NMRAL1: variants seen among roughly 807,000 people sequenced by gnomAD.
NMRAL1 encodes the protein NmrA like redox sensor 1.
NMRAL1 carries 32 observed loss-of-function variants against 27.5 expected under a neutral mutation model. The ratio of observed to expected loss-of-function variants is 1.16; its 90% CI spans 0.88 to 1.56. The LOEUF (loss-of-function observed/expected upper bound fraction) is 1.56. NMRAL1 is among the 40% of genes most tolerant of loss of function. The pLI is 0.00. For synonymous variants in NMRAL1, 166 were observed against 166.8 expected (o/e 1.00, Z 0.04); for missense variants, 420 against 392.0 (o/e 1.07, Z -0.60).
chr16:4,466,657 G>A (rs1390480349), intron 3 of NMRAL1: 8 of 517,748 alleles, frequency 1.5e-5, no homozygotes, highest in African/African-American at 5.8e-5. Flanking sequence ...GGGGCAGGTC[G>A]GCTGCAGGGG....
At chr16:4,475,764 C>A (rs1222340089), upstream of NMRAL1, among the ~76,000 whole-genome samples, 1 of 151,652 alleles carries the variant, frequency 6.6e-6, no homozygotes, top group Middle Eastern at 3.2e-3. Context: ...ATGGTGAAAC[C>A]CCCGTCTCTA....
intron 3 of NMRAL1, among the ~76,000 whole-genome samples, chr16:4,467,810 G>A (rs565308804): frequency 1.1e-3 from 173 of 151,744 alleles, no homozygotes; most frequent in Middle Eastern, 3.4e-3. Context: ...AGTAGAGACA[G>A]GGTTTCACTG....
chr16:4,464,557 G>A (rs114540240), intron 4 of NMRAL1, among the ~76,000 whole-genome samples: 154 of 151,980 alleles, frequency 1.0e-3, no homozygotes, highest in African/African-American at 3.6e-3. Flanking sequence ...GATCACCTGG[G>A]AGCTCGAGGG....
In NMRAL1 at chr16:4,463,729, G is replaced by T. The variant is rs763168428; in HGVS notation, c.651C>A (p.Cys217Ter). The T allele has an allele frequency of 8.7e-6, 14 of 1,614,054 alleles. No individual in the cohort carries two copies. The highest frequency in any genetic ancestry group is 1.1e-5 in the Non-Finnish European group (13 of 1,180,016). Reference protein sequence around the residue: ...YVGQNIGLSTCRHTAEEYAAL... With the variant: ...YVGQNIGLST ...CAGCGTACTCCTCGGCCGTGTGCCTGCAAGTGCTCAGCCCGATGTTCTGGC... is the reference window on the plus strand; with the variant it reads ...CAGCGTACTCCTCGGCCGTGTGCCTTCAAGTGCTCAGCCCGATGTTCTGGC... Residue 217 changes from cysteine (C) to a stop codon, truncating the protein, a stop_gained, in exon 5 of 6, where the codon TGC (cysteine) becomes TGA (stop). Coordinates refer to ENST00000283429, the MANE Select transcript of NMRAL1 (RefSeq NM_020677.6). LOFTEE classifies it high-confidence loss of function.
chr16:4,474,957 T>C (rs1227806115), upstream of NMRAL1: 2 of 152,192 alleles, frequency 1.3e-5, no homozygotes, highest in Non-Finnish European at 2.9e-5. Context: ...AATTTTATTA[T>C]TTTTATTTTT....
At chr16:4,466,113 T>C (rs1567350322) in intron 4 of NMRAL1, 40 bp downstream of exon 4, 1 of 1,607,382 alleles carries the variant, frequency 6.2e-7, no homozygotes, top group South Asian at 1.1e-5. Context: ...CTTTACAGGG[T>C]GAGAGCTCTG....
In NMRAL1 at chr16:4,469,484, A is replaced by T. The variant is rs145783692; in HGVS notation, c.41-19T>A. 71 of 1,611,724 alleles carry T rather than the reference A, an allele frequency of 4.4e-5. No homozygotes were observed. The African/African-American group carries it at 7.2e-4, about 16-fold the overall frequency. On this transcript the variant is annotated intron_variant, in intron 2 of 5. Transcript: ENST00000283429. ...TGGGCACCTACAAAGAATCAAAAAG[A>T]CCTCTCAGGTCAGACCTACCTGAAA...
At chr16:4,471,132 G>T (rs2057551144) in intron 2 of NMRAL1, among the ~76,000 whole-genome samples, 1 of 152,008 alleles carries the variant, frequency 6.6e-6, no homozygotes. Flanking sequence ...ACCATATTCA[G>T]ATCTTGATGG....
In NMRAL1 at chr16:4,461,873, G is replaced by A; in HGVS notation, c.807C>T (p.Asp269=). The A allele has an allele frequency of 1.2e-6, 2 of 1,614,212 alleles. No individual in the cohort carries two copies. Among genetic ancestry groups the A allele is most frequent in the Non-Finnish European group, 1.7e-6 (2 of 1,180,018 alleles). Residue 269 remains aspartate (D), a synonymous_variant, in exon 6 of 6, where the codon GAC becomes GAT. Coordinates refer to ENST00000283429, the MANE Select transcript of NMRAL1 (RefSeq NM_020677.6). ...GTCTCAGGGTCAGCTCGATGTCACG[G>A]TCGGGTCTCAGGGCATAGAAACGGA... The part of the protein sequence containing the change: ...NMFRFYALRP[D]RDIELTLRLN...
At chr16:4,474,208 G>A (rs769810998) in intron 1 of NMRAL1, 42 bp from the exon 2 acceptor site, 15 of 1,476,744 alleles carry the variant, frequency 1.0e-5, no homozygotes, top group Non-Finnish European at 1.4e-5. Context: ...TGGGGCCGGG[G>A]TTCCCGCCAG....
intron 3 of NMRAL1, chr16:4,466,656 C>T (rs148900677): frequency 4.0e-4 from 208 of 519,962 alleles, no homozygotes; most frequent in African/African-American, 3.2e-3. Flanking sequence ...GGGGGCAGGT[C>T]GGCTGCAGGG....
At chr16:4,468,639 C>T (rs1467525083) in intron 3 of NMRAL1, among the ~76,000 whole-genome samples, 2 of 145,994 alleles carry the variant, frequency 1.4e-5, no homozygotes, top group Admixed American at 6.8e-5. Flanking sequence ...AAAAAAAGAT[C>T]TGCGTTAATC....
At chr16:4,476,010 T>C (rs1476660411), upstream of NMRAL1, 2 of 152,250 alleles carry the variant, frequency 1.3e-5, no homozygotes, top group Non-Finnish European at 2.9e-5. Flanking sequence ...GGAGATCAGA[T>C]ACAAGACTGG....
chr16:4,470,454 G>T (rs1289696534), intron 2 of NMRAL1, among the ~76,000 whole-genome samples: 2 of 151,206 alleles, frequency 1.3e-5, no homozygotes, highest in Non-Finnish European at 3.0e-5. Context: ...TGGGCAACAA[G>T]AGCGAAACTT....
In NMRAL1 at chr16:4,468,658, T is replaced by C. The variant is rs1373479178; in HGVS notation, c.279+569A>G. Among the ~76,000 whole-genome samples, 28 of 151,062 alleles carry C rather than the reference T, an allele frequency of 1.9e-4. 1 individual carries two copies. Among genetic ancestry groups the C allele is most frequent in the Admixed American group, 1.8e-3 (28 of 15,148 alleles). Reference sequence around the variant, plus strand: ...AAAGATCTGCGTTAATCAGAGAAGTTGTCTTTGTCTGCTCTATATAATGGG... The same window carrying C: ...AAAGATCTGCGTTAATCAGAGAAGTCGTCTTTGTCTGCTCTATATAATGGG... On this transcript the variant is annotated intron_variant, in intron 3 of 5. Transcript: ENST00000283429.
chr16:4,475,051 A>G (rs769461001), upstream of NMRAL1, among the ~76,000 whole-genome samples: 10 of 151,914 alleles, frequency 6.6e-5, no homozygotes, highest in African/African-American at 1.2e-4. Context: ...CCCCGGGTTC[A>G]AGAGATTCTC....
At chr16:4,469,100 G>C in intron 3 of NMRAL1, 127 bp downstream of exon 3, 1 of 684,480 alleles carries the variant, frequency 1.5e-6, no homozygotes, top group Admixed American at 2.2e-5. Flanking sequence ...ACAGCCTAGA[G>C]CAGGCAGAGG....
At chr16:4,468,998 G>C (rs2057442007) in intron 3 of NMRAL1, among the ~76,000 whole-genome samples, 1 of 147,142 alleles carries the variant, frequency 6.8e-6, no homozygotes, top group African/African-American at 2.5e-5. Context: ...CAAACGAACA[G>C]GCCAGGCGTG....
At chr16:4,464,155 A>G in intron 4 of NMRAL1, 2 of 459,830 alleles carry the variant, frequency 4.3e-6, no homozygotes, top group East Asian at 3.9e-5. Context: ...TCTCAGCGCT[A>G]GGATGACAGA....
Sources: gnomAD v4.1 joint callset for allele counts (sites outside exome capture counted in the v4.1 genomes callset) on GRCh38, gnomAD v4.1.1 for gene constraint, MANE v1.5 for transcripts, NCBI Gene and HGNC (gene_info 2026-07-23, HGNC 2026-07-21) for gene names.